Variants in RBFOX1 observed in about 807,000 individuals in gnomAD.
RBFOX1 encodes the protein RNA binding protein fox-1 homolog 1.
Under a neutral mutation model 57.7 loss-of-function variants are expected in RBFOX1, and 8 were observed. The ratio of observed to expected loss-of-function variants is 0.14; its 90% CI spans 0.08 to 0.25. RBFOX1 has a LOEUF of 0.25. Among genes scored for constraint, RBFOX1 ranks in the 10% least tolerant of loss-of-function variants. RBFOX1 has a pLI of 1.00. For synonymous variants in RBFOX1, 326 were observed against 222.4 expected, an observed-to-expected ratio of 1.47 and a Z score of -4.15; for missense variants, 611 against 548.5, an observed-to-expected ratio of 1.11 and a Z score of -1.14.
chr16:5,459,585 C>G (rs939160841), intron 1 of RBFOX1, among the ~76,000 whole-genome samples: 2 of 152,146 alleles, frequency 1.3e-5, no homozygotes, highest in African/African-American at 4.8e-5. Context: ...AACACTTTCT[C>G]ACGATCCCCC....
At chr16:5,436,976 C>T (rs1235823397) in intron 1 of RBFOX1, among the ~76,000 whole-genome samples, 1 of 152,148 alleles carries the variant, frequency 6.6e-6, no homozygotes, top group African/African-American at 2.4e-5. Context: ...TTGTACCTGC[C>T]CCCATGACTG....
At chr16:7,077,989 C>T (rs559487737) in intron 4 of RBFOX1, among the ~76,000 whole-genome samples, 1 of 152,248 alleles carries the variant, frequency 6.6e-6, no homozygotes, top group Non-Finnish European at 1.5e-5. Context: ...TCCTGAGTTA[C>T]TCTGGGGCCC....
intron 4 of RBFOX1, among the ~76,000 whole-genome samples, chr16:7,234,212 G>A (rs1444006908): frequency 3.3e-5 from 5 of 152,032 alleles, no homozygotes; most frequent in African/African-American, 1.2e-4. Flanking sequence ...GGACAGTGAG[G>A]GCTCACATGC....
At chr16:6,288,968 T>TG (rs2152716160) in intron 1 of RBFOX1, among the ~76,000 whole-genome samples, 1 of 152,242 alleles carries the variant, frequency 6.6e-6, no homozygotes, top group South Asian at 2.1e-4. Flanking sequence ...CCAACTTCTT[T>TG]AGCTCCAGTG....
chr16:6,483,353 C>T lies in RBFOX1; in HGVS notation c.-64+166296C>T, dbSNP rs953505201. On this transcript the variant is annotated intron_variant, in intron 2 of 15. Transcript: ENST00000550418. Reference sequence around the variant, plus strand: ...ACCTGCTGGCGGTCGTGCCAGGCAGCCCGGGCGAGCGAAGGCGCGCGGCGC... The same window carrying T: ...ACCTGCTGGCGGTCGTGCCAGGCAGTCCGGGCGAGCGAAGGCGCGCGGCGC... The T allele has an allele frequency of 1.9e-5, 29 of 1,490,436 alleles. No individual in the cohort carries two copies. The Admixed American group carries it at 4.9e-4, about 25-fold the overall frequency. 92.3% of individuals were successfully genotyped at this position (1,490,436 alleles called of 1,614,324 possible).
chr16:7,664,099 C>G (rs2068533011), intron 12 of RBFOX1, among the ~76,000 whole-genome samples: 1 of 152,170 alleles, frequency 6.6e-6, no homozygotes, highest in Admixed American at 6.5e-5. Context: ...CGTGAACATG[C>G]AGATATTCAC....
intron 3 of RBFOX1, among the ~76,000 whole-genome samples, chr16:6,853,843 T>A (rs540042188): frequency 4.3e-4 from 66 of 152,208 alleles, no homozygotes; most frequent in African/African-American, 1.5e-3. Flanking sequence ...TACAGTGTGG[T>A]GACAAATGAT....
At chr16:5,683,880 T>G (rs539852699) in intron 3 of RBFOX1, among the ~76,000 whole-genome samples, 33 of 151,492 alleles carry the variant, frequency 2.2e-4, no homozygotes, top group South Asian at 1.2e-3. Flanking sequence ...GTATGTAAAA[T>G]TGCCTAAGGT....
At chr16:6,518,526 C>G (rs1018711401) in intron 2 of RBFOX1, among the ~76,000 whole-genome samples, 8 of 152,076 alleles carry the variant, frequency 5.3e-5, no homozygotes, top group African/African-American at 1.2e-4. Flanking sequence ...TCATGTAGAT[C>G]TGATTCCAGT....
chr16:7,525,999 C>T (rs1600881863), intron 5 of RBFOX1, among the ~76,000 whole-genome samples: 1 of 152,148 alleles, frequency 6.6e-6, no homozygotes, highest in African/African-American at 2.4e-5. Flanking sequence ...CTGTTGGGAA[C>T]TGAGCTGCAC....
chr16:7,559,794 T>C (rs1386500750), intron 5 of RBFOX1, among the ~76,000 whole-genome samples: 1 of 152,218 alleles, frequency 6.6e-6, no homozygotes, highest in East Asian at 1.9e-4. Context: ...CTTAGGAGTT[T>C]CTCAATCAGT....
chr16:5,877,652 G>A (rs567947577), intron 4 of RBFOX1, among the ~76,000 whole-genome samples: 4 of 152,336 alleles, frequency 2.6e-5, no homozygotes. Context: ...AGCAGCAGAG[G>A]GACTGCTCCT....
chr16:6,688,737 C>T (rs1214850723), intron 3 of RBFOX1, among the ~76,000 whole-genome samples: 1 of 152,130 alleles, frequency 6.6e-6, no homozygotes, highest in Admixed American at 6.6e-5. Flanking sequence ...TTGCTGCACA[C>T]ATCAACCCAT....
chr16:6,086,007 T>C (rs573938980), intron 1 of RBFOX1, among the ~76,000 whole-genome samples: 1 of 152,264 alleles, frequency 6.6e-6, no homozygotes, highest in South Asian at 2.1e-4. Context: ...CACTGTGTGA[T>C]GTTCCCCTCC....
intron 3 of RBFOX1, among the ~76,000 whole-genome samples, chr16:6,842,580 A>G (rs1436480233): frequency 1.3e-5 from 2 of 150,808 alleles, no homozygotes; most frequent in Non-Finnish European, 2.9e-5. Flanking sequence ...GTTCCATTGT[A>G]TAGACATACT....
At chr16:6,606,923 G>A (rs1041983185) in intron 2 of RBFOX1, among the ~76,000 whole-genome samples, 1 of 152,144 alleles carries the variant, frequency 6.6e-6, no homozygotes, top group African/African-American at 2.4e-5. Flanking sequence ...AATCTTTGAG[G>A]AATCACCACA....
chr16:5,704,797 G>A (rs2151489960), intron 3 of RBFOX1, among the ~76,000 whole-genome samples: 1 of 152,290 alleles, frequency 6.6e-6, no homozygotes, highest in South Asian at 2.1e-4. Flanking sequence ...TATAATGACA[G>A]GGTGAGTTGG....
intron 4 of RBFOX1, among the ~76,000 whole-genome samples, chr16:5,953,119 T>TG (rs2059554357): frequency 8.8e-5 from 6 of 68,494 alleles, no homozygotes; most frequent in South Asian, 4.9e-4. Context: ...GTTGGGAGGG[T>TG]GGGGTGGGAG....
intron 3 of RBFOX1, among the ~76,000 whole-genome samples, chr16:5,808,268 A>G (rs1376382953): frequency 6.6e-6 from 1 of 152,174 alleles, no homozygotes; most frequent in Non-Finnish European, 1.5e-5. Flanking sequence ...GTTCTGTTCC[A>G]CTGATCTATA....
Sources: gnomAD v4.1 joint callset for allele counts (sites outside exome capture counted in the v4.1 genomes callset) on GRCh38, gnomAD v4.1.1 for gene constraint, MANE v1.5 for transcripts, NCBI Gene and HGNC (gene_info 2026-07-23, HGNC 2026-07-21) for gene names.